The following SLC4A4 variants were observed in gnomAD, a reference collection of about 807,000 sequenced individuals.
SLC4A4 encodes electrogenic sodium bicarbonate cotransporter 1.
In SLC4A4, 27 loss-of-function variants were observed where a neutral mutation model predicts 111.5. That is an observed-to-expected ratio of 0.24 (90% confidence interval 0.18 to 0.33). The LOEUF is 0.33. SLC4A4 is among the 10% of genes least tolerant of loss of function. SLC4A4 has a pLI of 1.00. For synonymous variants in SLC4A4, 443 were observed against 463.4 expected (o/e 0.96, Z 0.57); for missense variants, 909 against 1,315.5 (o/e 0.69, Z 4.78).
chr4:71,268,945 T>C (rs1282650262), intron 3 of SLC4A4, among the ~76,000 whole-genome samples: 1 of 152,236 alleles, frequency 6.6e-6, no homozygotes, highest in East Asian at 1.9e-4. Context: ...ACCCTAACTG[T>C]TCCATAGCCC....
intron 20 of SLC4A4, among the ~76,000 whole-genome samples, chr4:71,554,502 G>A (rs1171728517): frequency 6.6e-6 from 1 of 151,764 alleles, no homozygotes; most frequent in Non-Finnish European, 1.5e-5. Flanking sequence ...GCATGAAAAG[G>A]TATTAATTCA....
rs1236639486 is a variant in SLC4A4 at position 71,466,915 on chromosome 4, G to C, written c.1631+338G>C. On this transcript the variant is annotated intron_variant, in intron 13 of 25. Transcript: ENST00000264485. ...TCCTCTTGGGTTTGGCTAATGGGGAGTACCAACAAGACGGGAAGAGAGAGA... is the reference window on the plus strand; with the variant it reads ...TCCTCTTGGGTTTGGCTAATGGGGACTACCAACAAGACGGGAAGAGAGAGA... 4.2e-5 allele frequency among the ~76,000 whole-genome samples: 6 copies of C among 144,028 alleles called. No individual in the cohort carries two copies. In the East Asian group the frequency reaches 1.2e-3, roughly 29 times the overall value. 94.5% of individuals were successfully genotyped at this position (144,028 alleles called of 152,430 possible).
chr4:71,469,456 T>A (rs28503407), intron 13 of SLC4A4, among the ~76,000 whole-genome samples: 15,899 of 151,942 alleles, frequency 0.1, 1,461 homozygotes, highest in East Asian at 0.46. Flanking sequence ...TCAGTTTGTC[T>A]TGTATCCTTG....
At chr4:71,342,716 C>G (rs888864796) in intron 4 of SLC4A4, among the ~76,000 whole-genome samples, 6 of 152,100 alleles carry the variant, frequency 3.9e-5, no homozygotes, top group Non-Finnish European at 8.8e-5. Context: ...TACATAATTC[C>G]TGGTCCCAGA....
At chr4:71,519,629 T>A (rs1022422809) in intron 16 of SLC4A4, among the ~76,000 whole-genome samples, 1 of 143,972 alleles carries the variant, frequency 6.9e-6, no homozygotes, top group Non-Finnish European at 1.5e-5. Context: ...CATACATAAA[T>A]GAATATTAAG....
intron 13 of SLC4A4, among the ~76,000 whole-genome samples, chr4:71,468,930 C>T (rs572143779): frequency 3.9e-5 from 6 of 151,932 alleles, no homozygotes; most frequent in African/African-American, 1.4e-4. Context: ...TAGATCCTTG[C>T]TTTGTAGGTT....
intron 2 of SLC4A4, among the ~76,000 whole-genome samples, chr4:71,146,523 C>G (rs995611337): frequency 2.1e-4 from 32 of 152,134 alleles, no homozygotes; most frequent in African/African-American, 7.7e-4. Flanking sequence ...CTGTCTCGTT[C>G]ACCTGTCTAA....
intron 2 of SLC4A4, among the ~76,000 whole-genome samples, chr4:71,130,964 C>T (rs912613838): frequency 1.8e-4 from 27 of 152,104 alleles, no homozygotes; most frequent in African/African-American, 6.5e-4. Context: ...GAAAGTTCTC[C>T]CCTGTACACA....
At chr4:71,507,565 C>A (rs1731531463) in intron 16 of SLC4A4, among the ~76,000 whole-genome samples, 1 of 152,074 alleles carries the variant, frequency 6.6e-6, no homozygotes, top group African/African-American at 2.4e-5. Flanking sequence ...GAAATGCTTC[C>A]AATAAGGGAG....
At position 71,356,991 on chromosome 4, in the gene SLC4A4, T is replaced by C; in HGVS notation, c.551-17T>C. On this transcript the variant is annotated splice_polypyrimidine_tract_variant and intron_variant, in intron 5 of 25. Coordinates refer to ENST00000264485, the MANE Select transcript of SLC4A4 (RefSeq NM_001098484.3). ...CTTGTGACTGAGTTTTGTTTTTTGC[T>C]TTTGTTTTTGTACCAGAGATGATTG... 1.2e-6 allele frequency: 2 copies of C among 1,613,322 alleles called. No individual in the cohort carries two copies. Among genetic ancestry groups the C allele is most frequent in the East Asian group, 2.2e-5 (1 of 44,878 alleles).
chr4:71,250,384 G>A (rs1233456918), intron 2 of SLC4A4, among the ~76,000 whole-genome samples: 1 of 152,174 alleles, frequency 6.6e-6, no homozygotes, highest in Non-Finnish European at 1.5e-5. Context: ...GAGTAAGAGT[G>A]TGGCTATAAA....
chr4:71,453,832 C>T (rs1725978918), intron 12 of SLC4A4, among the ~76,000 whole-genome samples, 163 bp downstream of exon 12: 1 of 152,120 alleles, frequency 6.6e-6, no homozygotes, highest in South Asian at 2.1e-4. Flanking sequence ...GCTGTATTTC[C>T]AGCATTTTAG....
chr4:71,520,220 C>T (rs1578102024), intron 16 of SLC4A4, among the ~76,000 whole-genome samples: 1 of 152,320 alleles, frequency 6.6e-6, no homozygotes, highest in East Asian at 1.9e-4. Flanking sequence ...TGTTGAGTGA[C>T]AATGTTCTTG....
intron 7 of SLC4A4, among the ~76,000 whole-genome samples, chr4:71,419,049 G>T (rs1003025554): frequency 3.3e-5 from 5 of 152,176 alleles, no homozygotes; most frequent in Non-Finnish European, 4.4e-5. Context: ...TCATTCCTCT[G>T]GAAGTTTTGT....
At chr4:71,116,538 T>C (rs1346752096) in intron 2 of SLC4A4, among the ~76,000 whole-genome samples, 1 of 152,208 alleles carries the variant, frequency 6.6e-6, no homozygotes. Context: ...TTACTTCAAT[T>C]AGATTAAGGA....
intron 2 of SLC4A4, among the ~76,000 whole-genome samples, chr4:71,163,086 A>T (rs1408074684): frequency 6.6e-6 from 1 of 152,260 alleles, no homozygotes; most frequent in African/African-American, 2.4e-5. Flanking sequence ...CAAGAAAACA[A>T]TTTTAGGCCA....
chr4:71,357,741 A>G (rs1730413866), intron 6 of SLC4A4, among the ~76,000 whole-genome samples: 1 of 152,214 alleles, frequency 6.6e-6, no homozygotes, highest in South Asian at 2.1e-4. Context: ...TAGATCCAAG[A>G]ATAATTATTC....
intron 16 of SLC4A4, among the ~76,000 whole-genome samples, chr4:71,504,880 C>T (rs1445409665): frequency 6.6e-6 from 1 of 152,042 alleles, no homozygotes; most frequent in African/African-American, 2.4e-5. Flanking sequence ...TCCCTCTTCC[C>T]ACCTCCCCCT....
intron 2 of SLC4A4, among the ~76,000 whole-genome samples, chr4:71,125,201 T>C (rs1743529494): frequency 6.6e-6 from 1 of 152,218 alleles, no homozygotes; most frequent in African/African-American, 2.4e-5. Flanking sequence ...TTGTAGAGAA[T>C]AGTAATTGCA....
Sources: gnomAD v4.1 joint callset for allele counts (sites outside exome capture counted in the v4.1 genomes callset) on GRCh38, gnomAD v4.1.1 for gene constraint, MANE v1.5 for transcripts, NCBI Gene and HGNC (gene_info 2026-07-23, HGNC 2026-07-21) for gene names.